Variants in DNAH3 observed in about 807,000 individuals in gnomAD.
DNAH3 encodes the protein axonemal beta dynein heavy chain 3.
Under a neutral mutation model 432.5 loss-of-function variants are expected in DNAH3, and 332 were observed. The ratio of observed to expected loss-of-function variants is 0.77; its 90% CI spans 0.70 to 0.84. DNAH3 has a LOEUF of 0.84. Among genes scored for constraint, DNAH3 ranks in the 40% least tolerant of loss-of-function variants. The pLI is 0.00. For synonymous variants in DNAH3, 1,956 were observed against 1,900.2 expected, an observed-to-expected ratio of 1.03 and a Z score of -0.76; for missense variants, 4,861 against 5,114.0, an observed-to-expected ratio of 0.95 and a Z score of 1.51.
At position 20,963,519 on chromosome 16, in the gene DNAH3, GGGCCA is replaced by G; in HGVS notation, c.10360_10364del (p.Trp3454ProfsTer2). 1 of 1,613,974 alleles carries G rather than the reference GGGCCA, an allele frequency of 6.2e-7. No homozygotes were observed. Among genetic ancestry groups the G allele is most frequent in the Non-Finnish European group, 8.5e-7 (1 of 1,179,924 alleles). On this transcript the variant is annotated frameshift_variant, in exon 53 of 62. Transcript: ENST00000261383. LOFTEE classifies it high-confidence loss of function. ...AAGACCCAGGGAGTTGCTCCTCATG[GGGCCA>G]GGCCGAGTCATAGATCAGCTTCCAT... is the stretch of plus-strand genomic sequence containing the variant.
Position 21,054,513 on chromosome 16 carries a change from CA to C in DNAH3, c.3945del (p.Asn1315LysfsTer15). 1 of 1,614,064 alleles carries C rather than the reference CA, an allele frequency of 6.2e-7. No individual in the cohort carries two copies. ...AGCTGGACAATCTGCGCAATCTGAT[CA>C]TTGCTCTTTTTCAGAAAATCCTGGA... On this transcript the variant is annotated frameshift_variant, in exon 28 of 62. Transcript: ENST00000261383. LOFTEE classifies it high-confidence loss of function.
chr16:21,053,393 G>C (rs181015499), intron 28 of DNAH3, among the ~76,000 whole-genome samples: 1 of 152,262 alleles, frequency 6.6e-6, no homozygotes, highest in East Asian at 1.9e-4. Flanking sequence ...AGAGGAAAGC[G>C]AATTTCAAGG....
At chr16:20,987,495 G>C (rs754033174) in intron 46 of DNAH3, 47 bp from the exon 47 acceptor site, 1 of 1,609,630 alleles carries the variant, frequency 6.2e-7, no homozygotes, top group Non-Finnish European at 8.5e-7. Flanking sequence ...GATGGTCCCT[G>C]AGGTGGTAGT....
At chr16:21,093,430 C>T (rs2091593565) in intron 18 of DNAH3, among the ~76,000 whole-genome samples, 1 of 152,064 alleles carries the variant, frequency 6.6e-6, no homozygotes, top group South Asian at 2.1e-4. Context: ...AAAAGGAGAA[C>T]TAAATAATTG....
chr16:21,154,601 ACAT>A (rs926448697), intron 1 of DNAH3, among the ~76,000 whole-genome samples: 4 of 152,204 alleles, frequency 2.6e-5, no homozygotes, highest in African/African-American at 9.6e-5. Context: ...CACTTAGTAG[ACAT>A]CATGTCTTTG....
chr16:21,144,891 G>A (rs1010751435), intron 3 of DNAH3, among the ~76,000 whole-genome samples: 1 of 152,054 alleles, frequency 6.6e-6, no homozygotes, highest in African/African-American at 2.4e-5. Context: ...GTTGAGGCAG[G>A]TGGATCACCT....
In DNAH3 at chr16:21,029,863, T is replaced by C. The variant is rs965016328; in HGVS notation, c.5439+1182A>G. Among the ~76,000 whole-genome samples, 16 of 152,312 alleles carry C rather than the reference T, an allele frequency of 1.1e-4. No homozygotes were observed. In the Middle Eastern group the frequency reaches 0.01, roughly 97 times the overall value. On this transcript the variant is annotated intron_variant, in intron 37 of 61. Coordinates refer to ENST00000261383, the Ensembl canonical transcript of DNAH3. The stretch of plus-strand genomic sequence containing the variant: ...TTTTTGAGACAAGGTCTTTCTCTGT[T>C]GCTCAGCTTGGAGCACAGTGGCACA...
chr16:20,977,548 C>T (rs2085652665), intron 50 of DNAH3, among the ~76,000 whole-genome samples: 1 of 152,154 alleles, frequency 6.6e-6, no homozygotes, highest in African/African-American at 2.4e-5. Context: ...TGACCTTGCA[C>T]CCAATGCCCC....
Position 21,044,908 on chromosome 16 carries a change from T to C in DNAH3, c.4462-2705A>G, listed in dbSNP as rs1232113516. 2.0e-3 allele frequency among the ~76,000 whole-genome samples: 282 copies of C among 140,310 alleles called. 4 individuals carry two copies. The South Asian group carries it at 0.04, about 20-fold the overall frequency. The allele number at this position is 140,310 out of a possible 152,430, so 92.0% of individuals were successfully genotyped here. ...AGGGTTGTTGAATTTTGTCAAAGGC[T>C]TTTTCTGCATCTATTGAGATAATCA... On this transcript the variant is annotated intron_variant, in intron 31 of 61. Coordinates refer to ENST00000261383, the Ensembl canonical transcript of DNAH3.
Position 20,967,492 on chromosome 16 carries a change from CTTTTTTTTT to C in DNAH3, c.8459-2076_8459-2068del, listed in dbSNP as rs756357963. On this transcript the variant is annotated intron_variant, in intron 52 of 61. Transcript: ENST00000261383. Reference sequence around the variant, plus strand: ...TCTAGGAGTGGGGCACAGACTTCTGCTTTTTTTTTTTTTTTTTTTTTTTTTTTGAGACGG... The same window carrying C: ...TCTAGGAGTGGGGCACAGACTTCTGCTTTTTTTTTTTTTTTTTTGAGACGG... Among the ~76,000 whole-genome samples the C allele has an allele frequency of 4.6e-3, 241 of 52,802 alleles. 2 individuals carry two copies. Among genetic ancestry groups the C allele is most frequent in the South Asian group, 0.014 (16 of 1,154 alleles). The allele number at this position is 52,802 out of a possible 152,430, so 34.6% of individuals were successfully genotyped here. A position where few individuals can be genotyped will look rare whatever the true frequency, so the allele number is the denominator to read the frequency against.
At chr16:20,996,076 A>G (rs984302740) in intron 44 of DNAH3, among the ~76,000 whole-genome samples, 1 of 152,230 alleles carries the variant, frequency 6.6e-6, no homozygotes, top group East Asian at 1.9e-4. Context: ...AGTGTTGTTT[A>G]TAGCTTTCTG....
chr16:20,948,570 G>GGACAGAAGT (rs763781563), exon 57 of DNAH3: 3 of 1,614,126 alleles, frequency 1.9e-6, no homozygotes, highest in Non-Finnish European at 2.5e-6. Flanking sequence ...AGTAGAACAT[G>GGACAGAAGT]GACAGAAGTG....
intron 2 of DNAH3, 72 bp from the exon 4 acceptor site, chr16:21,145,478 T>G (rs142239662): frequency 7.4e-7 from 1 of 1,358,890 alleles, no homozygotes; most frequent in African/African-American, 1.4e-5. Flanking sequence ...CTGCTCACAC[T>G]GAGGCTCACA....
chr16:21,076,473 G>A (rs1194820774), intron 20 of DNAH3, among the ~76,000 whole-genome samples: 2 of 152,124 alleles, frequency 1.3e-5, no homozygotes, highest in Non-Finnish European at 2.9e-5. Flanking sequence ...AAAATTATGA[G>A]AGGTCATTAT....
intron 1 of DNAH3, among the ~76,000 whole-genome samples, chr16:21,156,224 A>G (rs1041668822): frequency 2.8e-5 from 4 of 142,306 alleles, no homozygotes; most frequent in African/African-American, 1.0e-4. Flanking sequence ...ATTTTATTTT[A>G]TTATTTTATT....
intron 9 of DNAH3, among the ~76,000 whole-genome samples, chr16:21,122,372 T>A (rs950955414): frequency 6.6e-6 from 1 of 152,002 alleles, no homozygotes; most frequent in Non-Finnish European, 1.5e-5. Context: ...CTGGCCAACA[T>A]GGTGGAACCC....
At chr16:21,082,440 A>C (rs780036447) in intron 19 of DNAH3, among the ~76,000 whole-genome samples, 6 of 152,146 alleles carry the variant, frequency 3.9e-5, no homozygotes, top group Non-Finnish European at 7.4e-5. Context: ...ATACTCAAGC[A>C]ATCCTCGCAC....
intron 6 of DNAH3, among the ~76,000 whole-genome samples, chr16:21,136,035 T>C (rs879525552): frequency 5.9e-5 from 9 of 152,116 alleles, no homozygotes; most frequent in Admixed American, 3.9e-4. Flanking sequence ...GGTAGGGGGA[T>C]GCAGGACTTT....
chr16:21,059,775 CAA>C (rs1180684922), intron 26 of DNAH3, among the ~76,000 whole-genome samples: 28 of 95,348 alleles, frequency 2.9e-4, no homozygotes, highest in Admixed American at 7.1e-4. Flanking sequence ...GACTCCATCT[CAA>C]AAAAAAAAAA....
Sources: allele counts gnomAD v4.1 joint callset (sites outside exome capture counted in the v4.1 genomes callset), GRCh38; gene constraint gnomAD v4.1.1; transcripts MANE v1.5; gene names NCBI Gene and HGNC (gene_info 2026-07-23, HGNC 2026-07-21).